MKKS: variants seen among roughly 807,000 people sequenced by gnomAD.
MKKS encodes the protein MKKS centrosomal shuttling protein.
MKKS carries 29 observed loss-of-function variants against 33.2 expected under a neutral mutation model. That is an observed-to-expected ratio of 0.87 (90% CI 0.65 to 1.19). The LOEUF (loss-of-function observed/expected upper bound fraction) is 1.19, where lower values mean the gene tolerates loss of function less well. Ranked by LOEUF, MKKS falls within the 50% of genes most tolerant of loss-of-function variation. The pLI is 0.00. For missense variants in MKKS, 661 were observed against 662.3 expected (o/e 1.00, Z 0.02); for synonymous variants, 260 against 244.0 (o/e 1.07, Z -0.61).
rs916849053 is a variant in MKKS at position 10,434,191 on chromosome 20, A to T, written c.-732T>A. Reference sequence around the variant, plus strand: ...TCTCAAGCAGCCGCTGCTGCCGCGGATCCCGACAACCTTCGCGTCGCGCGA... The same window carrying T: ...TCTCAAGCAGCCGCTGCTGCCGCGGTTCCCGACAACCTTCGCGTCGCGCGA... On this transcript the variant is annotated 5_prime_UTR_variant, in exon 1 of 6. Coordinates refer to ENST00000347364, the MANE Select transcript of MKKS (RefSeq NM_170784.3). 4 of 152,254 alleles carry T rather than the reference A, an allele frequency of 2.6e-5. No homozygotes were observed. Among genetic ancestry groups the T allele is most frequent in the Non-Finnish European group, 1.5e-5 (1 of 68,128 alleles). The allele number at this position is 152,254 out of a possible 1,614,324, so 9.4% of individuals were successfully genotyped here.
chr20:10,429,579 T>A (rs1466365336), intron 1 of MKKS, among the ~76,000 whole-genome samples: 6 of 152,210 alleles, frequency 3.9e-5, no homozygotes, highest in African/African-American at 7.2e-5. Flanking sequence ...TCCACCTGGA[T>A]TTCCTGTTTC....
intron 3 of MKKS, 121 bp from the exon 4 acceptor site, chr20:10,408,924 A>C: frequency 1.4e-6 from 1 of 709,336 alleles, no homozygotes; most frequent in South Asian, 1.9e-5. Flanking sequence ...TTAAAATATG[A>C]AATACAGGAT....
intron 5 of MKKS, among the ~76,000 whole-genome samples, chr20:10,406,440 A>G (rs2064844889): frequency 6.6e-6 from 1 of 152,188 alleles, no homozygotes. Context: ...CCATTGTGTT[A>G]CAATTACCTA....
chr20:10,411,897 T>C (rs1052268784), intron 3 of MKKS, among the ~76,000 whole-genome samples: 2 of 152,388 alleles, frequency 1.3e-5, no homozygotes, highest in South Asian at 4.1e-4. Context: ...AGTGAATTTT[T>C]TGCCTATTTT....
At chr20:10,414,077 A>C in intron 2 of MKKS, 146 bp from the exon 3 acceptor site, 1 of 369,326 alleles carries the variant, frequency 2.7e-6, no homozygotes, top group Non-Finnish European at 4.8e-6. Context: ...TGAGAAAGGT[A>C]GACCAACTTT....
Position 10,405,396 on chromosome 20 carries a change from G to A in MKKS, c.1564C>T (p.Pro522Ser). ...GCTTCATGTGGAAGGCAGCTTTGTG[G>A]CACAAATGGACGACGTGTGCTTCTT... ...FLRSTRRPFV[P>S]QSCLPHEAVG... Residue 522 changes from proline (P) to serine (S), a missense_variant, in exon 6 of 6, where the codon CCA becomes TCA. By Grantham distance (74) the Pro-to-Ser change is moderately conservative (BLOSUM62 -1). Coordinates refer to ENST00000347364, the MANE Select transcript of MKKS (RefSeq NM_170784.3). The A allele has an allele frequency of 1.2e-6, 2 of 1,614,184 alleles. No individual in the cohort carries two copies.
chr20:10,412,465 A>C (rs536820083), intron 3 of MKKS, 65 bp downstream of exon 3: 1 of 1,552,024 alleles, frequency 6.4e-7, no homozygotes, highest in Non-Finnish European at 8.8e-7. Flanking sequence ...CAAACCAAAA[A>C]TATCTCTGCT....
chr20:10,403,631 G>A lies in MKKS; in HGVS notation c.*1616C>T, dbSNP rs760939877. 2 of 152,154 alleles carry A rather than the reference G, an allele frequency of 1.3e-5. No individual in the cohort carries two copies. Among genetic ancestry groups the A allele is most frequent in the Non-Finnish European group, 2.9e-5 (2 of 68,042 alleles). The allele number at this position is 152,154 out of a possible 1,614,324, so 9.4% of individuals were successfully genotyped here. ...ACTCACAGCATAAAATTATGGATAA[G>A]GCATAACCATAACCATCACCATAAC... On this transcript the variant is annotated 3_prime_UTR_variant, in exon 6 of 6. Coordinates refer to ENST00000347364, the MANE Select transcript of MKKS (RefSeq NM_170784.3).
chr20:10,429,419 T>A (rs1433627599), intron 1 of MKKS, among the ~76,000 whole-genome samples: 1 of 152,210 alleles, frequency 6.6e-6, no homozygotes, highest in Non-Finnish European at 1.5e-5. Flanking sequence ...ACTTCTATGA[T>A]CATGCATCCA....
At chr20:10,423,483 A>G (rs1468360376) in intron 1 of MKKS, among the ~76,000 whole-genome samples, 2 of 152,204 alleles carry the variant, frequency 1.3e-5, no homozygotes, top group African/African-American at 2.4e-5. Context: ...AATAAAATTG[A>G]GATTTGTAAC....
intron 3 of MKKS, among the ~76,000 whole-genome samples, chr20:10,409,743 C>T (rs1361395743): frequency 7.2e-5 from 11 of 151,738 alleles, no homozygotes; most frequent in East Asian, 1.9e-4. Context: ...GAGGCTGAGG[C>T]GGGCATTGCC....
chr20:10,433,193 A>G (rs1423939149), intron 1 of MKKS, among the ~76,000 whole-genome samples: 2 of 152,168 alleles, frequency 1.3e-5, no homozygotes, highest in Non-Finnish European at 2.9e-5. Flanking sequence ...TTTAGCAGAG[A>G]CCGGGTTTCG....
At position 10,405,518 on chromosome 20, in the gene MKKS, T is replaced by A. The variant is rs1568662743; in HGVS notation, c.1442A>T (p.Gln481Leu). The A allele has an allele frequency of 6.2e-7, 1 of 1,614,208 alleles. No individual in the cohort carries two copies. The change falls in exon 6 of 6, where the codon CAG (glutamine) becomes CTG (leucine). Residue 481 changes from glutamine to leucine, a missense_variant. Physicochemically the swap from Gln to Leu is moderately radical, Grantham distance 113. Coordinates refer to ENST00000347364, the MANE Select transcript of MKKS (RefSeq NM_170784.3). ...DMKYGHLWSV[Q>L]ADSPCVANWP... is the part of the protein sequence containing the mutation. ...GTTAGCAACACAGGGAGAATCTGCC[T>A]GAACTGACCAAAGGTGTCCATACTT...
At chr20:10,417,394 T>C (rs1355459016) in intron 2 of MKKS, among the ~76,000 whole-genome samples, 1 of 152,150 alleles carries the variant, frequency 6.6e-6, no homozygotes, top group African/African-American at 2.4e-5. Context: ...GAGGATTGCT[T>C]GAGGCCAGAA....
chr20:10,413,737 A>T lies in MKKS; in HGVS notation c.-223T>A. 1 of 602,644 alleles carries T rather than the reference A, an allele frequency of 1.7e-6. No individual in the cohort carries two copies. The highest frequency in any genetic ancestry group is 2.9e-6 in the Non-Finnish European group (1 of 343,394). 37.3% of individuals were successfully genotyped at this position (602,644 alleles called of 1,614,324 possible). ...TAATTCCAAATATTTATTTTACTTC[A>T]CTCTTCAATACTCTTTTGTTTGCTT... On this transcript the variant is annotated 5_prime_UTR_variant, in exon 3 of 6. The change abolishes the stop of an existing upstream ORF in the 5' untranslated region. Transcript: ENST00000347364.
In MKKS at chr20:10,405,347, G is replaced by C; in HGVS notation, c.1613C>G (p.Thr538Ser). 1 of 1,614,178 alleles carries C rather than the reference G, an allele frequency of 6.2e-7. No individual in the cohort carries two copies. The highest frequency in any genetic ancestry group is 8.5e-7 in the Non-Finnish European group (1 of 1,180,028). ...AAGCTTTGCAGTCAAACAGTCCAAG[G>C]TCAGGTTGCTGGCTGAGCCCACAGC... is the stretch of plus-strand genomic sequence containing the variant. ...HEAVGSASNL[T>S]LDCLTAKLSG... The change falls in exon 6 of 6, where the codon ACC (threonine) becomes AGC (serine). Residue 538 changes from threonine to serine, a missense_variant. Physicochemically the swap from Thr to Ser is moderately conservative, Grantham distance 58 (BLOSUM62 1). Transcript: ENST00000347364.
chr20:10,418,301 A>G (rs1221935323), intron 2 of MKKS, among the ~76,000 whole-genome samples: 1 of 152,222 alleles, frequency 6.6e-6, no homozygotes, highest in South Asian at 2.1e-4. Flanking sequence ...GCCCTTAACT[A>G]TTAAAGCTGG....
intron 1 of MKKS, among the ~76,000 whole-genome samples, chr20:10,425,201 T>C (rs904527087): frequency 6.6e-6 from 1 of 152,212 alleles, no homozygotes; most frequent in Non-Finnish European, 1.5e-5. Flanking sequence ...AATGTGATCA[T>C]GATACACATG....
At chr20:10,419,400 T>C (rs1251426844) in intron 2 of MKKS, among the ~76,000 whole-genome samples, 1 of 152,158 alleles carries the variant, frequency 6.6e-6, no homozygotes, top group Non-Finnish European at 1.5e-5. Flanking sequence ...CGCTATATTA[T>C]AGTAAATCAA....
Sources: allele counts gnomAD v4.1 joint callset (sites outside exome capture counted in the v4.1 genomes callset), GRCh38; gene constraint gnomAD v4.1.1; transcripts MANE v1.5; gene names NCBI Gene and HGNC (gene_info 2026-07-23, HGNC 2026-07-21).